CD99: variants seen among roughly 807,000 people sequenced by gnomAD.
The protein encoded by CD99 is CD99 molecule (Xg blood group), also known as CD99 antigen.
CD99 carries 19 observed loss-of-function variants against 28.4 expected under a neutral mutation model. The observed-to-expected ratio is 0.67, with a 90% CI of 0.47 to 0.98. CD99 has a LOEUF of 0.98. Ranked by LOEUF, CD99 falls within the 50% of genes least tolerant of loss-of-function variation. The probability of loss-of-function intolerance (pLI) is 0.00; values close to 1 mark genes in which losing one functional copy is unlikely to be tolerated. For missense variants in CD99, 283 were observed against 248.8 expected, an observed-to-expected ratio of 1.14 and a Z score of -0.92; for synonymous variants, 103 against 92.1, an observed-to-expected ratio of 1.12 and a Z score of -0.67.
chrX:2,703,174 A>G (rs757370575), intron 1 of CD99, among the ~76,000 whole-genome samples: 16 of 152,284 alleles, frequency 1.1e-4, no homozygotes, highest in Non-Finnish European at 2.4e-4. Flanking sequence ...CGTACTGTCA[A>G]CAGGGTTCTT....
intron 8 of CD99, among the ~76,000 whole-genome samples, chrX:2,727,789 T>G (rs1248130576): frequency 6.6e-6 from 1 of 152,122 alleles, no homozygotes; most frequent in African/African-American, 2.4e-5. Flanking sequence ...CAGCTACTGT[T>G]TTATGGAGGA....
rs190148517 is a variant in CD99 at position 2,717,445 on chromosome X, G to A, written c.101-160G>A. 148 of 634,278 alleles carry A rather than the reference G, an allele frequency of 2.3e-4. 1 individual carries two copies. The South Asian group carries it at 2.7e-3, about 12-fold the overall frequency. 39.3% of individuals were successfully genotyped at this position (634,278 alleles called of 1,614,324 possible). The stretch of plus-strand genomic sequence containing the variant: ...TGTCTGTCTTCTGGGCTCAAGAGTC[G>A]TTGTATAAACCTCAGCTCGGTGTGG... On this transcript the variant is annotated intron_variant, in intron 2 of 9. Coordinates refer to ENST00000381192, the MANE Select transcript of CD99 (RefSeq NM_002414.5).
chrX:2,730,590 C>G (rs2124225100), intron 8 of CD99, among the ~76,000 whole-genome samples: 1 of 152,218 alleles, frequency 6.6e-6, no homozygotes, highest in Non-Finnish European at 1.5e-5. Flanking sequence ...TTCTATAAGT[C>G]TCTTATTCTG....
At chrX:2,714,528 C>A in intron 2 of CD99, 74 bp downstream of exon 2, 1 of 1,276,906 alleles carries the variant, frequency 7.8e-7, no homozygotes, top group Non-Finnish European at 1.1e-6. Flanking sequence ...CATATCCCAG[C>A]CATTTCCAGC....
At chrX:2,724,702 C>T (rs1307031940) in intron 7 of CD99, among the ~76,000 whole-genome samples, 2 of 151,814 alleles carry the variant, frequency 1.3e-5, no homozygotes, top group South Asian at 4.2e-4. Context: ...GTCAGGAGTT[C>T]GAGACCAGCC....
intron 2 of CD99, among the ~76,000 whole-genome samples, chrX:2,716,243 T>C (rs1798773953): frequency 6.6e-6 from 1 of 152,156 alleles, no homozygotes; most frequent in African/African-American, 2.4e-5. Flanking sequence ...GGTTTCGAAC[T>C]CCTGACCTTG....
At chrX:2,693,979 G>C (rs1051211685) in intron 1 of CD99, among the ~76,000 whole-genome samples, 6 of 152,168 alleles carry the variant, frequency 3.9e-5, no homozygotes, top group African/African-American at 1.4e-4. Context: ...AATTCATCTG[G>C]TCCCAAATGC....
chrX:2,716,050 T>G (rs1441511007), intron 2 of CD99, among the ~76,000 whole-genome samples: 1 of 148,502 alleles, frequency 6.7e-6, no homozygotes, highest in South Asian at 2.1e-4. Context: ...ATGGAGTCTC[T>G]CTCTGTCACC....
intron 2 of CD99, among the ~76,000 whole-genome samples, chrX:2,715,821 C>T (rs1259036756): frequency 6.6e-6 from 1 of 152,094 alleles, no homozygotes; most frequent in Non-Finnish European, 1.5e-5. Flanking sequence ...ACGCTGGTCT[C>T]TTCCCTGTGT....
chrX:2,714,629 A>G (rs1368234602), intron 2 of CD99, 175 bp downstream of exon 2: 17 of 546,196 alleles, frequency 3.1e-5, no homozygotes, highest in East Asian at 1.4e-4. Flanking sequence ...ACTGTAGTCT[A>G]TTAAGTATGC....
chrX:2,726,683 G>T (rs1335319605), intron 8 of CD99, among the ~76,000 whole-genome samples: 1 of 145,842 alleles, frequency 6.9e-6, no homozygotes, highest in Non-Finnish European at 1.5e-5. Context: ...AGACAGTCCT[G>T]CAGGAAAGCC....
chrX:2,723,381 T>G lies in CD99; in HGVS notation c.361+17T>G. 2 of 1,613,706 alleles carry G rather than the reference T, an allele frequency of 1.2e-6. No individual in the cohort carries two copies. Among genetic ancestry groups the G allele is most frequent in the Non-Finnish European group, 1.7e-6 (2 of 1,179,678 alleles). On this transcript the variant is annotated intron_variant, in intron 7 of 9. Transcript: ENST00000381192. ...GGGAAGAGGGTAGGTGCACCTGGCT[T>G]CTGTCTTCTTGTCTCTCCCACGTGG...
chrX:2,735,602 A>G (rs1235224899), intron 8 of CD99, among the ~76,000 whole-genome samples: 1 of 152,208 alleles, frequency 6.6e-6, no homozygotes, highest in Non-Finnish European at 1.5e-5. Flanking sequence ...TTTTTAACCA[A>G]TGAGGGGAGA....
At chrX:2,723,194 T>C in intron 6 of CD99, 120 bp from the exon 7 acceptor site, 1 of 990,514 alleles carries the variant, frequency 1.0e-6, no homozygotes, top group Non-Finnish European at 1.6e-6. Flanking sequence ...GCTCTGTAGC[T>C]GGGTAACATG....
At chrX:2,698,930 T>G (rs1469649331) in intron 1 of CD99, among the ~76,000 whole-genome samples, 2 of 137,656 alleles carry the variant, frequency 1.5e-5, no homozygotes, top group Non-Finnish European at 3.1e-5. Flanking sequence ...GGTGTTTTAA[T>G]TTTTTTTTTT....
intron 1 of CD99, among the ~76,000 whole-genome samples, chrX:2,699,133 C>A (rs778630585): frequency 1.6e-4 from 22 of 135,648 alleles, no homozygotes; most frequent in African/African-American, 7.6e-4. Context: ...CTTTCCTCTT[C>A]TTTTCTTTTC....
At chrX:2,716,958 G>C (rs2048752298) in intron 2 of CD99, among the ~76,000 whole-genome samples, 1 of 152,134 alleles carries the variant, frequency 6.6e-6, no homozygotes, top group Non-Finnish European at 1.5e-5. Flanking sequence ...CTCATGCATA[G>C]ATCTCGGGCT....
At chrX:2,708,858 T>C (rs2048245295) in intron 1 of CD99, among the ~76,000 whole-genome samples, 1 of 152,154 alleles carries the variant, frequency 6.6e-6, no homozygotes, top group South Asian at 2.1e-4. Flanking sequence ...AATCCAGGCT[T>C]GCCTGGGGGT....
chrX:2,714,282 A>G, intron 1 of CD99, 140 bp from the exon 2 acceptor site: 8 of 638,454 alleles, frequency 1.3e-5, no homozygotes, highest in Non-Finnish European at 2.2e-5. Flanking sequence ...GAGAAGAGAA[A>G]TCACGCACCT....
Sources: allele counts gnomAD v4.1 joint callset (sites outside exome capture counted in the v4.1 genomes callset), GRCh38; gene constraint gnomAD v4.1.1; transcripts MANE v1.5; gene names NCBI Gene and HGNC (gene_info 2026-07-23, HGNC 2026-07-21).